The following TOLLIP variants were observed in gnomAD, a reference collection of about 807,000 sequenced individuals.
The protein encoded by TOLLIP is toll-interacting protein.
In TOLLIP, 16 loss-of-function variants were observed where a neutral mutation model predicts 33.5. That is an observed-to-expected ratio of 0.48 (90% confidence interval 0.32 to 0.72). The LOEUF is 0.72. Ranked by LOEUF, TOLLIP falls within the 30% of genes least tolerant of loss-of-function variation. The probability of loss-of-function intolerance (pLI) is 0.03; values close to 1 mark genes in which losing one functional copy is unlikely to be tolerated. For synonymous variants in TOLLIP, 176 were observed against 163.7 expected, an observed-to-expected ratio of 1.07 and a Z score of -0.57; for missense variants, 325 against 396.6, an observed-to-expected ratio of 0.82 and a Z score of 1.53.
At chr11:1,282,590 C>T (rs1369623697) in intron 5 of TOLLIP, among the ~76,000 whole-genome samples, 2 of 151,464 alleles carry the variant, frequency 1.3e-5, no homozygotes, top group African/African-American at 2.4e-5. Flanking sequence ...CAAACCTGCA[C>T]GTTGTGCACA....
At chr11:1,307,238 A>C (rs1864443797) in intron 1 of TOLLIP, among the ~76,000 whole-genome samples, 1 of 152,334 alleles carries the variant, frequency 6.6e-6, no homozygotes, top group East Asian at 1.9e-4. Flanking sequence ...GCCAGACCTC[A>C]TGTTACTATG....
At chr11:1,279,037 C>T (rs1327536225) in intron 5 of TOLLIP, among the ~76,000 whole-genome samples, 1 of 152,238 alleles carries the variant, frequency 6.6e-6, no homozygotes, top group African/African-American at 2.4e-5. Flanking sequence ...AACGGAGGCA[C>T]CGTGCTCCCA....
chr11:1,288,031 C>G (rs1863802995), intron 4 of TOLLIP, among the ~76,000 whole-genome samples: 1 of 152,236 alleles, frequency 6.6e-6, no homozygotes, highest in South Asian at 2.1e-4. Flanking sequence ...CTTGGAGCCT[C>G]TAACTGGCCC....
In TOLLIP at chr11:1,295,747, T is replaced by C. The variant is rs146305309; in HGVS notation, c.81A>G (p.Thr27=). 2.0e-3 allele frequency: 3,226 copies of C among 1,606,962 alleles called. 7 individuals carry two copies. The highest frequency in any genetic ancestry group is 2.4e-3 in the Non-Finnish European group (2,855 of 1,176,922). The stretch of plus-strand genomic sequence containing the variant: ...CCAGCTGGACCTGCCGCTGCTGCTG[T>C]GTGGGCGTGATGCGGAGGAAGTCCT... ...LPQDFLRITP[T]QQQRQVQLDA... is the part of the protein sequence containing the mutation. Residue 27 remains threonine (T), a synonymous_variant, in exon 2 of 6, where the codon ACA becomes ACG. Coordinates refer to ENST00000317204, the MANE Select transcript of TOLLIP (RefSeq NM_019009.4).
At chr11:1,279,385 C>T (rs1289008573) in intron 5 of TOLLIP, among the ~76,000 whole-genome samples, 5 of 152,360 alleles carry the variant, frequency 3.3e-5, no homozygotes, top group South Asian at 2.1e-4. Flanking sequence ...TTACCAAGCA[C>T]GGATGTGTCC....
intron 5 of TOLLIP, among the ~76,000 whole-genome samples, chr11:1,284,681 C>T (rs933488987): frequency 6.6e-6 from 1 of 152,188 alleles, no homozygotes; most frequent in African/African-American, 2.4e-5. Flanking sequence ...CACTGGACAC[C>T]ACAGAGGCCC....
intron 5 of TOLLIP, among the ~76,000 whole-genome samples, chr11:1,285,253 C>T (rs1345751058): frequency 6.6e-6 from 1 of 152,212 alleles, no homozygotes; most frequent in Non-Finnish European, 1.5e-5. Flanking sequence ...GGGACCAGTG[C>T]TCTGCCTGGA....
chr11:1,295,865 C>T (rs1590223028), intron 1 of TOLLIP, 71 bp from the exon 2 acceptor site: 12 of 1,478,048 alleles, frequency 8.1e-6, no homozygotes, highest in South Asian at 1.3e-5. Context: ...AGCAGCTGCC[C>T]CCGGCATTCC....
At position 1,277,207 on chromosome 11, in the gene TOLLIP, G is replaced by C. The variant is rs376099623; in HGVS notation, c.657C>G (p.Pro219=). The change falls in exon 6 of 6, where the codon CCC becomes CCG. Residue 219 remains proline (P), a synonymous_variant. Transcript: ENST00000317204. The surrounding 1 kb of genome is among the most constrained non-coding windows in gnomAD (Gnocchi z 4.2). ...CSPGMVPVAL[P]PAAVNAQPRC... is the part of the protein sequence containing the mutation. ...GGGGCTGGGCGTTCACGGCGGCCGG[G>C]GGCAGGGCCACGGGCACCATGCCGG... is the stretch of plus-strand genomic sequence containing the variant. The C allele has an allele frequency of 6.9e-6, 11 of 1,594,914 alleles. No individual in the cohort carries two copies. Among genetic ancestry groups the C allele is most frequent in the African/African-American group, 2.7e-5 (2 of 74,586 alleles).
At position 1,303,802 on chromosome 11, in the gene TOLLIP, G is replaced by A. The variant is rs1864350777; in HGVS notation, c.33+5664C>T. Among the ~76,000 whole-genome samples, 1 of 152,238 alleles carries A rather than the reference G, an allele frequency of 6.6e-6. No homozygotes were observed. The highest frequency in any genetic ancestry group is 2.4e-5 in the African/African-American group (1 of 41,472). On this transcript the variant is annotated intron_variant, in intron 1 of 5. Transcript: ENST00000317204. This position sits in a 1 kb window ranked among gnomAD's most constrained non-coding sequence, Gnocchi z 4.2. The stretch of plus-strand genomic sequence containing the variant: ...TGTAATCCCAAAACTTTGGGAGGCT[G>A]AGGTGGGCGGATCACTTGAGACCAG...
Position 1,290,022 on chromosome 11 carries a change from TG to T in TOLLIP, c.366+204del, listed in dbSNP as rs1355635734. On this transcript the variant is annotated intron_variant, in intron 3 of 5. Transcript: ENST00000317204. This position sits in a 1 kb window ranked among gnomAD's most constrained non-coding sequence, Gnocchi z 4.9. Reference sequence around the variant, plus strand: ...GCTTGTCACTGGGGATGTTTCCAAATGTAAGTATGTTCAAGGAGCTGGAAAC... The same window carrying T: ...GCTTGTCACTGGGGATGTTTCCAAATTAAGTATGTTCAAGGAGCTGGAAAC... The T allele has an allele frequency of 1.0e-5, 6 of 582,392 alleles. No homozygotes were observed. Among genetic ancestry groups the T allele is most frequent in the African/African-American group, 7.5e-5 (4 of 53,672 alleles). 36.1% of individuals were successfully genotyped at this position (582,392 alleles called of 1,614,324 possible). A position where few individuals can be genotyped will look rare whatever the true frequency, so the allele number is the denominator to read the frequency against.
intron 4 of TOLLIP, among the ~76,000 whole-genome samples, chr11:1,286,452 A>G (rs537206326): frequency 3.3e-5 from 5 of 152,268 alleles, no homozygotes; most frequent in African/African-American, 1.2e-4. Flanking sequence ...GAAAGTGTCA[A>G]CTTCACATAA....
At chr11:1,288,489 C>T (rs931678882) in intron 4 of TOLLIP, 135 bp downstream of exon 4, 2 of 1,145,218 alleles carry the variant, frequency 1.7e-6, no homozygotes, top group Non-Finnish European at 2.4e-6. Flanking sequence ...GCCCTCTGTC[C>T]TCAGAACGTG....
Position 1,276,909 on chromosome 11 carries a change from G to A in TOLLIP, c.*130C>T. The A allele has an allele frequency of 6.4e-7, 1 of 1,564,376 alleles. No individual in the cohort carries two copies. ...CCCAAGAACAGGTGTGGACGGGGCG[G>A]CACAGAAGTCCACGGGAGGGGGCGA... On this transcript the variant is annotated 3_prime_UTR_variant, in exon 6 of 6. Coordinates refer to ENST00000317204, the MANE Select transcript of TOLLIP (RefSeq NM_019009.4).
At chr11:1,307,726 A>G (rs1259247609) in intron 1 of TOLLIP, among the ~76,000 whole-genome samples, 1 of 152,186 alleles carries the variant, frequency 6.6e-6, no homozygotes, top group Non-Finnish European at 1.5e-5. Context: ...GCGGGGACTC[A>G]CTGTGGTGGA....
intron 3 of TOLLIP, 22 bp from the exon 4 acceptor site, chr11:1,288,798 G>T: frequency 6.2e-7 from 1 of 1,606,854 alleles, no homozygotes. Flanking sequence ...AAGAGGGAGA[G>T]GCCCCAGGCA....
At chr11:1,280,557 G>C (rs5744000) in intron 5 of TOLLIP, among the ~76,000 whole-genome samples, 53 of 152,232 alleles carry the variant, frequency 3.5e-4, no homozygotes, top group Non-Finnish European at 5.3e-4. Context: ...GTGTGAAATG[G>C]AGGTGCACGA....
chr11:1,302,569 A>G, intron 1 of TOLLIP: 1 of 985,778 alleles, frequency 1.0e-6, no homozygotes. Flanking sequence ...CAGCATCCAA[A>G]AGCTGGACCA....
chr11:1,306,752 G>C (rs563571473), intron 1 of TOLLIP, among the ~76,000 whole-genome samples: 137 of 151,872 alleles, frequency 9.0e-4, no homozygotes, highest in African/African-American at 3.2e-3. Flanking sequence ...GTAAACTCCA[G>C]GGCAAGTCCA....
Sources: gnomAD v4.1 joint callset for allele counts (sites outside exome capture counted in the v4.1 genomes callset) on GRCh38, gnomAD v4.1.1 for gene constraint, Gnocchi (gnomAD v3.1) non-coding constraint, MANE v1.5 for transcripts, NCBI Gene and HGNC (gene_info 2026-07-23, HGNC 2026-07-21) for gene names.